Variants in CYP4F8 observed in about 807,000 individuals in gnomAD.
CYP4F8 encodes the protein cytochrome P450 family 4 subfamily F member 8.
Under a neutral mutation model 55.0 loss-of-function variants are expected in CYP4F8, and 56 were observed. The ratio of observed to expected loss-of-function variants is 1.02; its 90% CI spans 0.82 to 1.27. CYP4F8 has a LOEUF of 1.27. Among genes scored for constraint, CYP4F8 ranks in the 50% most tolerant of loss-of-function variants. The probability of loss-of-function intolerance (pLI) is 0.00; values close to 1 mark genes in which losing one functional copy is unlikely to be tolerated. For synonymous variants in CYP4F8, 288 were observed against 267.3 expected, an observed-to-expected ratio of 1.08 and a Z score of -0.76; for missense variants, 680 against 682.4, an observed-to-expected ratio of 1.00 and a Z score of 0.04.
chr19:15,619,901 C>T lies in CYP4F8; in HGVS notation c.525+139C>T, dbSNP rs183719239. On this transcript the variant is annotated intron_variant, in intron 5 of 12. Coordinates refer to ENST00000612078, the MANE Select transcript of CYP4F8 (RefSeq NM_007253.4). ...TCTGTGCCTTGATTTCCCCATGAGG[C>T]TAATAATCCTCACTAAAAGGTGGTA... is the stretch of plus-strand genomic sequence containing the variant. 1.4e-3 allele frequency: 1,574 copies of T among 1,129,134 alleles called. 6 individuals carry two copies. The highest frequency in any genetic ancestry group is 9.2e-3 in the South Asian group (569 of 61,738). 69.9% of individuals were successfully genotyped at this position (1,129,134 alleles called of 1,614,324 possible).
In CYP4F8 at chr19:15,615,769, C is replaced by T; in HGVS notation, c.153C>T (p.Phe51=). 6.2e-7 allele frequency: 1 copy of T among 1,613,930 alleles called. No individual in the cohort carries two copies. Among genetic ancestry groups the T allele is most frequent in the Non-Finnish European group, 8.5e-7 (1 of 1,179,888 alleles). The change falls in exon 2 of 13, where the codon TTC becomes TTT. Residue 51 remains phenylalanine (F), a synonymous_variant. Transcript: ENST00000612078. The part of the protein sequence containing the change: ...FYHNGRRLRC[F]PQPRKQNWFL... ...ACAACGGCCGCCGCCTCCGGTGTTT[C>T]CCGCAGCCCCGGAAACAGAACTGGT...
intron 6 of CYP4F8, 44 bp downstream of exon 6, chr19:15,622,384 G>A: frequency 1.3e-6 from 2 of 1,590,938 alleles, no homozygotes; most frequent in Non-Finnish European, 1.7e-6. Context: ...TGGAGTGGGG[G>A]TGTGGGTGTG....
At chr19:15,618,573 G>T (rs1306843217) in intron 3 of CYP4F8, 3 of 338,776 alleles carry the variant, frequency 8.9e-6, no homozygotes, top group African/African-American at 2.1e-5. Flanking sequence ...GCTGGGTGTG[G>T]AACGATGAGT....
At chr19:15,615,855 G>A in intron 2 of CYP4F8, 41 bp downstream of exon 2, 1 of 1,549,044 alleles carries the variant, frequency 6.5e-7, no homozygotes, top group South Asian at 1.2e-5. Flanking sequence ...CAGGGTGGAA[G>A]GGTGGAAATG....
rs890932845 is a variant in CYP4F8 at position 15,623,638 on chromosome 19, A to G, written c.919-61A>G. 1.9e-6 allele frequency: 3 copies of G among 1,583,978 alleles called. No individual in the cohort carries two copies. In the South Asian group the frequency reaches 3.4e-5, roughly 18 times the overall value. ...CTTCTGGGATAATGGGTCTTCAGAG[A>G]CTGTTTCAGTTTAGACTCCAGTGAC... On this transcript the variant is annotated intron_variant, in intron 7 of 12. Coordinates refer to ENST00000612078, the MANE Select transcript of CYP4F8 (RefSeq NM_007253.4).
intron 9 of CYP4F8, among the ~76,000 whole-genome samples, chr19:15,625,604 G>T (rs1972253024): frequency 6.6e-6 from 1 of 151,830 alleles, no homozygotes; most frequent in Non-Finnish European, 1.5e-5. Flanking sequence ...GGTAGAGTTT[G>T]TTCTGTCTCA....
Position 15,623,369 on chromosome 19 carries a change from G to A in CYP4F8, c.912G>A (p.Leu304=). 1 of 1,613,334 alleles carries A rather than the reference G, an allele frequency of 6.2e-7. No individual in the cohort carries two copies. Among genetic ancestry groups the A allele is most frequent in the Non-Finnish European group, 8.5e-7 (1 of 1,179,342 alleles). The change falls in exon 7 of 13, where the codon CTG becomes CTA. Residue 304 remains leucine, a synonymous_variant. Coordinates refer to ENST00000612078, the MANE Select transcript of CYP4F8 (RefSeq NM_007253.4). The part of the protein sequence containing the change: ...KTLDFIDVLL[L]SEDKNGKELS... ...TGGACTTTATTGATGTGCTCCTGCT[G>A]AGCGAGGTGGGCCTCTCTGGGATCT... is the stretch of plus-strand genomic sequence containing the variant.
chr19:15,622,003 G>A, intron 5 of CYP4F8: 1 of 538,478 alleles, frequency 1.9e-6, no homozygotes, highest in Non-Finnish European at 3.2e-6. Flanking sequence ...ACACAGCTTA[G>A]GAATCACAGC....
rs1232579655 is a variant in CYP4F8 at position 15,629,335 on chromosome 19, C to T, written c.1540C>T (p.Leu514=). ...IVLRAEDGLW[L]RVEPLG is the part of the protein sequence containing the mutation. Reference sequence around the variant, plus strand: ...TTTGCGTGCGGAGGACGGACTTTGGCTGCGAGTAGAACCCCTGGGCTGAGG... The same window carrying T: ...TTTGCGTGCGGAGGACGGACTTTGGTTGCGAGTAGAACCCCTGGGCTGAGG... The change falls in exon 13 of 13, where the codon CTG becomes TTG. Residue 514 remains leucine (L), a synonymous_variant. Transcript: ENST00000612078. 5 of 1,610,864 alleles carry T rather than the reference C, an allele frequency of 3.1e-6. No individual in the cohort carries two copies. The highest frequency in any genetic ancestry group is 4.2e-6 in the Non-Finnish European group (5 of 1,178,414).
chr19:15,628,723 G>A (rs1335054451), intron 11 of CYP4F8, 38 bp from the exon 12 acceptor site: 2 of 1,611,402 alleles, frequency 1.2e-6, no homozygotes, highest in African/African-American at 2.7e-5. Flanking sequence ...GGTGTCCTGA[G>A]AGGCCCCATC....
At chr19:15,622,539 T>C (rs1972208290) in intron 6 of CYP4F8, among the ~76,000 whole-genome samples, 199 bp downstream of exon 6, 2 of 151,650 alleles carry the variant, frequency 1.3e-5, no homozygotes. Context: ...ACTGTTTGGG[T>C]CAAGGCAAGG....
At position 15,616,464 on chromosome 19, in the gene CYP4F8, G is replaced by A. The variant is rs117960925; in HGVS notation, c.198+650G>A. Among the ~76,000 whole-genome samples the A allele has an allele frequency of 9.3e-3, 1,418 of 152,238 alleles. 57 individuals are homozygous for A. In the East Asian group the frequency reaches 0.12, roughly 13 times the overall value. On this transcript the variant is annotated intron_variant, in intron 2 of 12. Coordinates refer to ENST00000612078, the MANE Select transcript of CYP4F8 (RefSeq NM_007253.4). Reference sequence around the variant, plus strand: ...GTTCCTGTGGCAGAGTGGGGGTTACGCAGCAGGTATTCACCATTATTTCCA... The same window carrying A: ...GTTCCTGTGGCAGAGTGGGGGTTACACAGCAGGTATTCACCATTATTTCCA...
At chr19:15,626,467 G>A (rs571851333) in intron 9 of CYP4F8, among the ~76,000 whole-genome samples, 3 of 152,248 alleles carry the variant, frequency 2.0e-5, no homozygotes, top group South Asian at 4.1e-4. Context: ...GTGACTTTGC[G>A]CATCTCCTCT....
rs1428235351 is a variant in CYP4F8 at position 15,619,509 on chromosome 19, C to T, written c.363C>T (p.Asp121=). 1.2e-6 allele frequency: 2 copies of T among 1,614,196 alleles called. No homozygotes were observed. Among genetic ancestry groups the T allele is most frequent in the South Asian group, 1.1e-5 (1 of 91,090 alleles). The change falls in exon 4 of 13, where the codon GAC becomes GAT. Residue 121 remains aspartate (D), a synonymous_variant. Transcript: ENST00000612078. ...TGTCAGATGCCATTACAGACAAGGA[C>T]ATAGTCTTCTACAAGACCCTGAAGC... is the stretch of plus-strand genomic sequence containing the variant. ...INTSDAITDK[D]IVFYKTLKPW...
intron 7 of CYP4F8, 39 bp downstream of exon 7, chr19:15,623,414 G>C: frequency 1.2e-6 from 2 of 1,605,186 alleles, no homozygotes; most frequent in Non-Finnish European, 1.7e-6. Context: ...AGGTAAAATG[G>C]AGCTTCAGGT....
chr19:15,624,198 T>C, intron 9 of CYP4F8, 104 bp downstream of exon 9: 1 of 1,516,684 alleles, frequency 6.6e-7, no homozygotes, highest in Admixed American at 2.1e-5. Flanking sequence ...TTGATGATTC[T>C]GCCATTGTTG....
At chr19:15,624,755 A>G (rs1324722547) in intron 9 of CYP4F8, among the ~76,000 whole-genome samples, 1 of 152,240 alleles carries the variant, frequency 6.6e-6, no homozygotes, top group East Asian at 1.9e-4. Context: ...GATAGATGCA[A>G]TATAATATTT....
In CYP4F8 at chr19:15,628,756, C is replaced by T. The variant is rs753164590; in HGVS notation, c.1315-5C>T. On this transcript the variant is annotated splice_polypyrimidine_tract_variant and splice_region_variant and intron_variant, in intron 11 of 12. Transcript: ENST00000612078. ...ATCAGCAGCCTTAACTTGCCTCCAC[C>T]CCAGGTCTATGACCCCTTCCGCTTC... is the stretch of plus-strand genomic sequence containing the variant. The T allele has an allele frequency of 6.2e-7, 1 of 1,613,556 alleles. No individual in the cohort carries two copies. The highest frequency in any genetic ancestry group is 8.5e-7 in the Non-Finnish European group (1 of 1,179,828).
In CYP4F8 at chr19:15,629,274, C is replaced by G; in HGVS notation, c.1479C>G (p.Pro493=). 1 of 1,613,352 alleles carries G rather than the reference C, an allele frequency of 6.2e-7. No homozygotes were observed. Among genetic ancestry groups the G allele is most frequent in the Non-Finnish European group, 8.5e-7 (1 of 1,179,688 alleles). ...CGCTGCTGCGCTTCCGCATCCTGCC[C>G]GACCACAGGGAGCCACGCAGGACGC... ...ALTLLRFRIL[P]DHREPRRTPE... is the part of the protein sequence containing the mutation. The change falls in exon 13 of 13, where the codon CCC becomes CCG. Residue 493 remains proline (P), a synonymous_variant. Transcript: ENST00000612078.
Sources: allele counts gnomAD v4.1 joint callset (sites outside exome capture counted in the v4.1 genomes callset), GRCh38; gene constraint gnomAD v4.1.1; transcripts MANE v1.5; gene names NCBI Gene and HGNC (gene_info 2026-07-23, HGNC 2026-07-21).